Variants in DYM observed in about 807,000 individuals in gnomAD.
The protein encoded by DYM is dyggve-Melchior-Clausen syndrome protein.
Under a neutral mutation model 93.1 loss-of-function variants are expected in DYM, and 78 were observed. The observed-to-expected ratio is 0.84, with a 90% CI of 0.70 to 1.01. The LOEUF (loss-of-function observed/expected upper bound fraction) is 1.01. Ranked by LOEUF, DYM falls within the 50% of genes least tolerant of loss-of-function variation. DYM has a pLI of 0.00. For missense variants in DYM, 789 were observed against 845.0 expected (o/e 0.93, Z 0.82); for synonymous variants, 321 against 319.7 (o/e 1.00, Z -0.04).
chr18:49,215,491 A>G (rs1372799304), intron 13 of DYM, among the ~76,000 whole-genome samples: 3 of 152,152 alleles, frequency 2.0e-5, no homozygotes, highest in Non-Finnish European at 4.4e-5. Context: ...ATATCCCCTT[A>G]TTGCCATCCA....
At chr18:49,230,552 A>T (rs542668756) in intron 13 of DYM, among the ~76,000 whole-genome samples, 9 of 152,268 alleles carry the variant, frequency 5.9e-5, no homozygotes, top group Non-Finnish European at 1.5e-5. Flanking sequence ...CTGAAATGAG[A>T]TAAGTTCCTG....
At chr18:49,302,117 T>C (rs1599263003) in intron 8 of DYM, among the ~76,000 whole-genome samples, 1 of 152,182 alleles carries the variant, frequency 6.6e-6, no homozygotes, top group Non-Finnish European at 1.5e-5. Flanking sequence ...ATGACAATGA[T>C]ACAAAAAAAG....
intron 14 of DYM, among the ~76,000 whole-genome samples, chr18:49,177,025 C>T (rs1232974621): frequency 6.6e-6 from 1 of 152,014 alleles, no homozygotes; most frequent in Non-Finnish European, 1.5e-5. Flanking sequence ...TTCGGTGACC[C>T]TTTCTTAGTC....
intron 15 of DYM, among the ~76,000 whole-genome samples, chr18:49,134,908 A>G (rs890023504): frequency 6.6e-6 from 1 of 152,168 alleles, no homozygotes; most frequent in African/African-American, 2.4e-5. Flanking sequence ...GGAGTTCGAG[A>G]CCAGCCTGGT....
chr18:49,200,717 C>T (rs1046390491), intron 14 of DYM, among the ~76,000 whole-genome samples: 1 of 152,034 alleles, frequency 6.6e-6, no homozygotes, highest in African/African-American at 2.4e-5. Flanking sequence ...ATAGAATCCA[C>T]TATCTTCATT....
At chr18:49,281,972 A>C in intron 10 of DYM, 25 bp downstream of exon 10, 4 of 1,605,636 alleles carry the variant, frequency 2.5e-6, no homozygotes, top group Non-Finnish European at 3.4e-6. Context: ...ATACAAACGC[A>C]TGGAATGTTT....
At chr18:49,352,262 T>C (rs771034789) in intron 6 of DYM, among the ~76,000 whole-genome samples, 14 of 152,218 alleles carry the variant, frequency 9.2e-5, no homozygotes, top group Non-Finnish European at 1.6e-4. Context: ...CCTGGGGTGC[T>C]GAAAATGTTC....
intron 1 of DYM, among the ~76,000 whole-genome samples, chr18:49,434,420 TGA>T: frequency 6.6e-6 from 1 of 151,650 alleles, no homozygotes; most frequent in Admixed American, 6.6e-5. Context: ...CTTGGGAGGC[TGA>T]GACAGGAGAA....
chr18:49,188,099 CA>C (rs2090622282), intron 14 of DYM, among the ~76,000 whole-genome samples: 1 of 152,166 alleles, frequency 6.6e-6, no homozygotes, highest in South Asian at 2.1e-4. Context: ...TCCAAGAATA[CA>C]AATATCCCAG....
intron 15 of DYM, among the ~76,000 whole-genome samples, chr18:49,151,543 T>C (rs1187965927): frequency 6.6e-6 from 1 of 152,210 alleles, no homozygotes; most frequent in Non-Finnish European, 1.5e-5. Context: ...CATTTAAGCC[T>C]CTTTTGTAAT....
intron 2 of DYM, among the ~76,000 whole-genome samples, chr18:49,426,918 T>C (rs994174291): frequency 1.3e-5 from 2 of 152,104 alleles, no homozygotes; most frequent in African/African-American, 4.8e-5. Flanking sequence ...ACTGAAGTGC[T>C]TACCTTTAAT....
At chr18:49,366,189 G>C (rs1185723518) in intron 5 of DYM, among the ~76,000 whole-genome samples, 1 of 152,130 alleles carries the variant, frequency 6.6e-6, no homozygotes, top group African/African-American at 2.4e-5. Flanking sequence ...TACTAGGTTT[G>C]ACATCAAGCA....
chr18:49,286,138 G>T (rs1242554807), intron 9 of DYM, among the ~76,000 whole-genome samples: 1 of 152,004 alleles, frequency 6.6e-6, no homozygotes, highest in Non-Finnish European at 1.5e-5. Context: ...CTAGCATTTG[G>T]GTTTTCCAGG....
intron 17 of DYM, among the ~76,000 whole-genome samples, chr18:49,058,223 T>C (rs1261029204): frequency 1.3e-5 from 2 of 152,210 alleles, no homozygotes. Flanking sequence ...TTTGGAGATC[T>C]CTAGTCATTT....
At chr18:49,046,440 GATACCCACACACTCACATGCAGAC>G (rs2071568947) in intron 17 of DYM, among the ~76,000 whole-genome samples, 1 of 143,282 alleles carries the variant, frequency 7.0e-6, no homozygotes, top group African/African-American at 2.6e-5. Flanking sequence ...ATACAAAACA[GATACCCACACACTCACATGCAGAC>G]ACACCCACAC....
intron 10 of DYM, among the ~76,000 whole-genome samples, chr18:49,280,663 G>A (rs2145714977): frequency 6.6e-6 from 1 of 152,304 alleles, no homozygotes; most frequent in South Asian, 2.1e-4. Context: ...CTCCACATGA[G>A]CTGTGTCTTA....
chr18:49,409,698 G>A (rs1021675036), intron 2 of DYM, among the ~76,000 whole-genome samples: 1 of 152,172 alleles, frequency 6.6e-6, no homozygotes. Flanking sequence ...AAGAATTCAA[G>A]TTTCCACAAT....
At chr18:49,202,036 C>T (rs1029345974) in intron 14 of DYM, among the ~76,000 whole-genome samples, 5 of 152,166 alleles carry the variant, frequency 3.3e-5, no homozygotes, top group Non-Finnish European at 5.9e-5. Flanking sequence ...TCCCCATAAC[C>T]ATCTTCCCTT....
At chr18:49,177,269 T>C (rs903162217) in intron 14 of DYM, among the ~76,000 whole-genome samples, 2 of 152,122 alleles carry the variant, frequency 1.3e-5, no homozygotes, top group Non-Finnish European at 2.9e-5. Flanking sequence ...AGAAATTTCC[T>C]CTCAGGGGAA....
Sources: gnomAD v4.1 joint callset for allele counts (sites outside exome capture counted in the v4.1 genomes callset) on GRCh38, gnomAD v4.1.1 for gene constraint, MANE v1.5 for transcripts, NCBI Gene and HGNC (gene_info 2026-07-23, HGNC 2026-07-21) for gene names.